Variants in CA10 observed in about 807,000 individuals in gnomAD.
CA10 encodes the protein carbonic anhydrase-related protein 10.
CA10 carries 14 observed loss-of-function variants against 44.2 expected under a neutral mutation model. The observed-to-expected ratio is 0.32, with a 90% CI of 0.21 to 0.50. CA10 has a LOEUF of 0.50. Ranked by LOEUF, CA10 falls within the 20% of genes least tolerant of loss-of-function variation. CA10 has a pLI of 0.99. For synonymous variants in CA10, 159 were observed against 141.6 expected (o/e 1.12, Z -0.87); for missense variants, 350 against 409.7 (o/e 0.85, Z 1.26).
chr17:51,685,207 C>T (rs969173275), intron 4 of CA10, among the ~76,000 whole-genome samples: 2 of 152,096 alleles, frequency 1.3e-5, no homozygotes, highest in Non-Finnish European at 2.9e-5. Flanking sequence ...CTGCTGTGAA[C>T]GGTTTATTAT....
intron 4 of CA10, among the ~76,000 whole-genome samples, chr17:51,736,397 T>C (rs11868859): frequency 7.3e-5 from 11 of 151,506 alleles, no homozygotes; most frequent in African/African-American, 2.7e-4. Context: ...GGGATGACCA[T>C]TTGAGTCCAC....
intron 3 of CA10, among the ~76,000 whole-genome samples, chr17:51,920,784 G>T (rs1321863244): frequency 3.3e-5 from 5 of 152,126 alleles, no homozygotes; most frequent in Admixed American, 6.6e-5. Flanking sequence ...CAGCATCTTA[G>T]ACTTTCACAT....
At chr17:51,772,554 T>C (rs1353116641) in intron 3 of CA10, among the ~76,000 whole-genome samples, 1 of 151,850 alleles carries the variant, frequency 6.6e-6, no homozygotes, top group Non-Finnish European at 1.5e-5. Flanking sequence ...ATGGGAATGA[T>C]GGAAAGACAG....
chr17:51,957,374 T>C (rs1355200357), intron 2 of CA10, among the ~76,000 whole-genome samples: 1 of 151,936 alleles, frequency 6.6e-6, no homozygotes, highest in Non-Finnish European at 1.5e-5. Flanking sequence ...AACATTGGGG[T>C]GAATAAGATG....
intron 1 of CA10, among the ~76,000 whole-genome samples, chr17:52,151,455 G>A (rs917292440): frequency 4.6e-5 from 7 of 151,954 alleles, no homozygotes; most frequent in Non-Finnish European, 8.8e-5. Context: ...ATCTACAAAC[G>A]ACAGAGTTAA....
At chr17:51,848,258 T>G (rs1299395580) in intron 3 of CA10, among the ~76,000 whole-genome samples, 1 of 152,248 alleles carries the variant, frequency 6.6e-6, no homozygotes, top group Non-Finnish European at 1.5e-5. Context: ...CTTGAATACT[T>G]CAAATATTGC....
chr17:52,103,924 C>T (rs1252654949), intron 1 of CA10, among the ~76,000 whole-genome samples: 6 of 152,334 alleles, frequency 3.9e-5, no homozygotes, highest in Admixed American at 6.5e-5. Flanking sequence ...GAAGCAAGCT[C>T]GGGCTTTGGA....
At chr17:51,962,465 G>A (rs1983927323) in intron 2 of CA10, among the ~76,000 whole-genome samples, 1 of 152,156 alleles carries the variant, frequency 6.6e-6, no homozygotes, top group African/African-American at 2.4e-5. Flanking sequence ...ACAACTGTGG[G>A]CTCCATGGAT....
chr17:52,072,497 A>C, intron 1 of CA10, 104 bp from the exon 2 acceptor site: 1 of 760,990 alleles, frequency 1.3e-6, no homozygotes, highest in Non-Finnish European at 2.2e-6. Flanking sequence ...ACCCTTTTCT[A>C]CCCCAAAGTC....
intron 2 of CA10, among the ~76,000 whole-genome samples, chr17:51,988,775 T>G (rs1220113489): frequency 2.0e-5 from 3 of 151,916 alleles, no homozygotes; most frequent in Non-Finnish European, 4.4e-5. Context: ...AGAGATACAA[T>G]AGGAGATGCA....
intron 3 of CA10, among the ~76,000 whole-genome samples, chr17:51,765,286 T>C (rs888610072): frequency 1.3e-5 from 2 of 152,122 alleles, no homozygotes; most frequent in African/African-American, 4.8e-5. Flanking sequence ...GCTCCCTCAA[T>C]GAGTGGTCTG....
chr17:51,668,874 C>T (rs186624629), intron 4 of CA10, among the ~76,000 whole-genome samples: 48 of 152,308 alleles, frequency 3.2e-4, no homozygotes, highest in African/African-American at 8.2e-4. Flanking sequence ...AGCGGCCGGC[C>T]GGCATCACAG....
At chr17:51,930,685 C>G (rs1982620227) in intron 3 of CA10, among the ~76,000 whole-genome samples, 1 of 152,054 alleles carries the variant, frequency 6.6e-6, no homozygotes, top group South Asian at 2.1e-4. Context: ...GAAAGATTTT[C>G]CCAGCATGAT....
intron 4 of CA10, among the ~76,000 whole-genome samples, chr17:51,693,713 T>G (rs1376682579): frequency 6.6e-6 from 1 of 152,236 alleles, no homozygotes; most frequent in Admixed American, 6.5e-5. Context: ...ATGGTGTATA[T>G]GTACCATATT....
chr17:51,953,727 C>G (rs1598137202), intron 2 of CA10, among the ~76,000 whole-genome samples: 1 of 151,986 alleles, frequency 6.6e-6, no homozygotes, highest in African/African-American at 2.4e-5. Flanking sequence ...ATAAATCTTG[C>G]ATATTATTAC....
intron 1 of CA10, among the ~76,000 whole-genome samples, chr17:52,137,858 A>G (rs945390777): frequency 6.6e-6 from 1 of 152,164 alleles, no homozygotes; most frequent in Non-Finnish European, 1.5e-5. Context: ...TGGATGCGGG[A>G]AATATTAATA....
chr17:51,874,925 T>C (rs975133847), intron 3 of CA10, among the ~76,000 whole-genome samples: 2 of 151,374 alleles, frequency 1.3e-5, no homozygotes, highest in African/African-American at 2.4e-5. Context: ...TGAGGGGTAG[T>C]GAGTAAGGAA....
chr17:52,150,570 G>C (rs999802501), intron 1 of CA10, among the ~76,000 whole-genome samples: 1 of 152,132 alleles, frequency 6.6e-6, no homozygotes, highest in Non-Finnish European at 1.5e-5. Flanking sequence ...CTGAACCATA[G>C]AGTGGGTAAA....
intron 2 of CA10, among the ~76,000 whole-genome samples, chr17:52,064,522 G>C (rs1987479694): frequency 1.3e-5 from 2 of 151,716 alleles, no homozygotes; most frequent in Non-Finnish European, 2.9e-5. Context: ...TGGGAGTACT[G>C]TGAAGAAAGA....
Sources: allele counts gnomAD v4.1 joint callset (sites outside exome capture counted in the v4.1 genomes callset), GRCh38; gene constraint gnomAD v4.1.1; transcripts MANE v1.5; gene names NCBI Gene and HGNC (gene_info 2026-07-23, HGNC 2026-07-21).